Variants in ZNF362 observed in about 807,000 individuals in gnomAD.
The protein encoded by ZNF362 is rotund homolog.
A neutral mutation model predicts 42.9 loss-of-function variants in ZNF362; 11 were observed. The observed-to-expected ratio is 0.26, with a 90% CI of 0.16 to 0.42. The LOEUF (loss-of-function observed/expected upper bound fraction) is 0.42. Among genes scored for constraint, ZNF362 ranks in the 20% least tolerant of loss-of-function variants. ZNF362 has a pLI of 1.00. For synonymous variants in ZNF362, 255 were observed against 257.3 expected, an observed-to-expected ratio of 0.99 and a Z score of 0.09; for missense variants, 362 against 576.2, an observed-to-expected ratio of 0.63 and a Z score of 3.81.
chr1:33,234,579 G>T, the ZNF362 span, among the ~76,000 whole-genome samples: 2 of 152,112 alleles, frequency 1.3e-5, no homozygotes, highest in South Asian at 2.1e-4. Flanking sequence ...TGGACCCTCC[G>T]CATCAGAGAG....
intron 8 of ZNF362, among the ~76,000 whole-genome samples, chr1:33,297,511 C>CTTTTTTTTTTTTTT (rs776504622): frequency 1.3e-5 from 1 of 78,908 alleles, no homozygotes; most frequent in African/African-American, 6.6e-5. Flanking sequence ...TACATGATTC[C>CTTTTTTTTTTTTTT]TCTTTTTTTT....
the ZNF362 span, chr1:33,163,133 G>A: frequency 6.6e-6 from 1 of 152,054 alleles, no homozygotes; most frequent in Non-Finnish European, 1.5e-5. Flanking sequence ...CCACCTCCTG[G>A]GTTCAAGCAA....
Position 33,280,388 on chromosome 1 carries a change from C to T in ZNF362, c.614C>T (p.Pro205Leu), listed in dbSNP as rs767611931. 8 of 1,613,486 alleles carry T rather than the reference C, an allele frequency of 5.0e-6. No homozygotes were observed. The highest frequency in any genetic ancestry group is 4.5e-5 in the East Asian group (2 of 44,856). The change falls in exon 5 of 9, where the codon CCG (proline) becomes CTG (leucine). Residue 205 changes from proline (P) to leucine (L), a missense_variant. Physicochemically the swap from Pro to Leu is moderately conservative, Grantham distance 98. Coordinates refer to ENST00000539719, the MANE Select transcript of ZNF362 (RefSeq NM_152493.3). The surrounding 1 kb of genome is among the most constrained non-coding windows in gnomAD (Gnocchi z 5.6). Reference protein sequence around the residue: ...KKIKAENPGGPPVLVVPYPIL... With the variant: ...KKIKAENPGGLPVLVVPYPIL... ...ATCAAGGCGGAGAACCCGGGGGGTC[C>T]GCCTGTCCTTGTAGTCCCCTATCCC... is the stretch of plus-strand genomic sequence containing the variant.
At chr1:33,136,567 G>A in the ZNF362 span, among the ~76,000 whole-genome samples, 18 of 150,844 alleles carry the variant, frequency 1.2e-4, no homozygotes, top group Non-Finnish European at 2.1e-4. Context: ...ACAGGGTTTC[G>A]CCATGTTGGG....
chr1:33,230,512 T>C, the ZNF362 span, among the ~76,000 whole-genome samples: 1 of 152,136 alleles, frequency 6.6e-6, no homozygotes, highest in Non-Finnish European at 1.5e-5. Flanking sequence ...GGATACATAA[T>C]ACTAATAACA....
At chr1:33,181,523 G>C in the ZNF362 span, 1 of 1,454,128 alleles carries the variant, frequency 6.9e-7, no homozygotes, top group Non-Finnish European at 9.0e-7. The surrounding 1 kb of genome is among the most constrained non-coding windows in gnomAD (Gnocchi z 6.5). Flanking sequence ...AGGGCTGGGC[G>C]CGGGGACGAG....
intron 6 of ZNF362, among the ~76,000 whole-genome samples, chr1:33,284,117 C>A (rs753818456): frequency 2.0e-5 from 3 of 152,186 alleles, no homozygotes; most frequent in Non-Finnish European, 4.4e-5. Flanking sequence ...TGTAATGTGG[C>A]GGTTACCCTT....
At chr1:33,205,092 A>G in the ZNF362 span, among the ~76,000 whole-genome samples, 1 of 152,146 alleles carries the variant, frequency 6.6e-6, no homozygotes, top group East Asian at 1.9e-4. Context: ...CTCAAAATTC[A>G]TCTATATATT....
At chr1:33,128,313 G>A in the ZNF362 span, among the ~76,000 whole-genome samples, 1 of 152,144 alleles carries the variant, frequency 6.6e-6, no homozygotes, top group South Asian at 2.1e-4. Context: ...GGAGGTCGAG[G>A]CTTCAGTGAG....
At chr1:33,293,332 G>A (rs1420087048) in intron 6 of ZNF362, among the ~76,000 whole-genome samples, 2 of 152,198 alleles carry the variant, frequency 1.3e-5, no homozygotes, top group East Asian at 1.9e-4. Flanking sequence ...CGTAGGGTGC[G>A]TACGAGCAGG....
the ZNF362 span, among the ~76,000 whole-genome samples, chr1:33,202,594 T>TAA: frequency 0.018 from 2,493 of 137,350 alleles, 30 homozygotes; most frequent in Middle Eastern, 0.046. Flanking sequence ...CGAGACTCCA[T>TAA]AAAAAAAAAA....
the ZNF362 span, chr1:33,147,850 C>T: frequency 3.6e-6 from 4 of 1,099,290 alleles, no homozygotes; most frequent in Non-Finnish European, 5.1e-6. The surrounding 1 kb of genome is among the most constrained non-coding windows in gnomAD (Gnocchi z 8.1). Context: ...GCTGTGTGAC[C>T]TTGAATACAA....
At chr1:33,171,050 G>A in the ZNF362 span, among the ~76,000 whole-genome samples, 16 of 152,294 alleles carry the variant, frequency 1.1e-4, no homozygotes, top group African/African-American at 3.8e-4. Flanking sequence ...GCCAGAGCAG[G>A]AAGAGGCTGC....
At chr1:33,176,600 A>G in the ZNF362 span, 13 of 520,318 alleles carry the variant, frequency 2.5e-5, no homozygotes, top group South Asian at 2.6e-4. Context: ...TGACGTCCCA[A>G]CCACCTGCCC....
At chr1:33,238,483 A>G in the ZNF362 span, among the ~76,000 whole-genome samples, 3 of 152,162 alleles carry the variant, frequency 2.0e-5, no homozygotes. Flanking sequence ...CCGTGGCTGA[A>G]CCAATCACAA....
intron 6 of ZNF362, among the ~76,000 whole-genome samples, chr1:33,292,107 G>T (rs1646082797): frequency 6.6e-6 from 1 of 152,176 alleles, no homozygotes; most frequent in South Asian, 2.1e-4. Context: ...ACACTATGTT[G>T]AATAGGAGTG....
chr1:33,267,780 C>G (rs1198262313), intron 1 of ZNF362, among the ~76,000 whole-genome samples: 1 of 152,150 alleles, frequency 6.6e-6, no homozygotes, highest in Non-Finnish European at 1.5e-5. Context: ...TTCGGCTGTT[C>G]CAGGTTTTTG....
At chr1:33,139,220 G>A in the ZNF362 span, among the ~76,000 whole-genome samples, 1 of 152,210 alleles carries the variant, frequency 6.6e-6, no homozygotes, top group Non-Finnish European at 1.5e-5. Flanking sequence ...TGATCAGTGA[G>A]GGTCGCTCTG....
At chr1:33,144,085 C>G in the ZNF362 span, among the ~76,000 whole-genome samples, 1 of 152,046 alleles carries the variant, frequency 6.6e-6, no homozygotes, top group Non-Finnish European at 1.5e-5. Flanking sequence ...ATAGCCCAGA[C>G]ACACTCTTAC....
Sources: gnomAD v4.1 joint callset for allele counts (sites outside exome capture counted in the v4.1 genomes callset) on GRCh38, gnomAD v4.1.1 for gene constraint, Gnocchi (gnomAD v3.1) non-coding constraint, MANE v1.5 for transcripts, NCBI Gene and HGNC (gene_info 2026-07-23, HGNC 2026-07-21) for gene names.